The following ARSL variants were observed in gnomAD, a reference collection of about 807,000 sequenced individuals.
The protein encoded by ARSL is arylsulfatase L, also known as arylsulfatase E (chondrodysplasia punctata 1).
Under a neutral mutation model 31.1 loss-of-function variants are expected in ARSL, and 4 were observed. That is an observed-to-expected ratio of 0.13 (90% CI 0.06 to 0.29). The LOEUF is 0.29. Among genes scored for constraint, ARSL ranks in the 10% least tolerant of loss-of-function variants. The pLI is 1.00. For missense variants in ARSL, 312 were observed against 497.8 expected, an observed-to-expected ratio of 0.63 and a Z score of 3.55; for synonymous variants, 198 against 209.9, an observed-to-expected ratio of 0.94 and a Z score of 0.49.
chrX:2,964,815 AAAT>A (rs1414102445), upstream of ARSL, among the ~76,000 whole-genome samples: 1 of 111,649 alleles, frequency 9.0e-6, no homozygotes, highest in African/African-American at 3.3e-5. Flanking sequence ...CAAAAATAAA[AAAT>A]ATTAGGCTGG....
chrX:2,937,036 C>T (rs755229828), intron 9 of ARSL, among the ~76,000 whole-genome samples, 173 bp from the exon 10 acceptor site: 1 of 112,138 alleles, frequency 8.9e-6, no homozygotes, highest in South Asian at 3.7e-4. Flanking sequence ...TGCATTAGCA[C>T]GCTTAGAAGA....
At chrX:2,945,902 C>G in intron 7 of ARSL, 96 bp downstream of exon 7, 1 of 1,114,666 alleles carries the variant, frequency 9.0e-7, no homozygotes, top group Admixed American at 2.2e-5. Flanking sequence ...AATCGCTATT[C>G]TGCATCTTCT....
In ARSL at chrX:2,935,347, T is replaced by A. The variant is rs1362362994; in HGVS notation, c.1412-157A>T. Among the ~76,000 whole-genome samples the A allele has an allele frequency of 7.1e-5, 8 of 112,102 alleles. No homozygotes were observed. The South Asian group carries it at 2.2e-3, about 31-fold the overall frequency. Reference sequence around the variant, plus strand: ...ATGGTACATCTTACATGGCATACTCTGCAGCTATGAGAAGGAATGACACAA... The same window carrying A: ...ATGGTACATCTTACATGGCATACTCAGCAGCTATGAGAAGGAATGACACAA... On this transcript the variant is annotated intron_variant, in intron 10 of 10. Coordinates refer to ENST00000381134, the MANE Select transcript of ARSL (RefSeq NM_000047.3).
At position 2,955,597 on chromosome X, in the gene ARSL, T is replaced by C. The variant is rs148633489; in HGVS notation, c.186-60A>G. 484 of 1,160,951 alleles carry C rather than the reference T, an allele frequency of 4.2e-4. 5 individuals are homozygous for C. In the African/African-American group the frequency reaches 7.2e-3, roughly 17 times the overall value. On this transcript the variant is annotated intron_variant, in intron 3 of 10. Coordinates refer to ENST00000381134, the MANE Select transcript of ARSL (RefSeq NM_000047.3). ...AAATTAGACAGGCTTTTCATAAGCATAGCTACATGCTACTTCATAGAAGGT... is the reference window on the plus strand; with the variant it reads ...AAATTAGACAGGCTTTTCATAAGCACAGCTACATGCTACTTCATAGAAGGT...
upstream of ARSL, among the ~76,000 whole-genome samples, chrX:2,966,514 G>A (rs1310367091): frequency 2.8e-5 from 3 of 106,438 alleles, no homozygotes; most frequent in African/African-American, 3.4e-5. Flanking sequence ...GGTGGCTCAC[G>A]CCTATAATCC....
chrX:2,948,350 C>A (rs1387062393), intron 6 of ARSL, among the ~76,000 whole-genome samples: 1 of 111,240 alleles, frequency 9.0e-6, no homozygotes, highest in African/African-American at 3.3e-5. Flanking sequence ...TGCCAAAAGA[C>A]ATCTGACTTC....
chrX:2,946,633 C>T (rs1402061362), intron 6 of ARSL, among the ~76,000 whole-genome samples: 3 of 101,404 alleles, frequency 3.0e-5, no homozygotes, highest in African/African-American at 1.1e-4. Flanking sequence ...GTTGGGATTA[C>T]AGGCGTGAGC....
chrX:2,936,498 G>A (rs762684022), intron 10 of ARSL, among the ~76,000 whole-genome samples: 2 of 111,211 alleles, frequency 1.8e-5, no homozygotes, highest in African/African-American at 3.3e-5. Context: ...GAAACTATAG[G>A]TAACGACTCC....
At chrX:2,968,087 T>C (rs1450512707), upstream of ARSL, 1 of 1,139,597 alleles carries the variant, frequency 8.8e-7, no homozygotes, top group Non-Finnish European at 1.2e-6. Flanking sequence ...GAATATCCCC[T>C]GGAGCGTCTC....
At position 2,961,300 on chromosome X, in the gene ARSL, T is replaced by C. The variant is rs192751535; in HGVS notation, c.-20-880A>G. Among the ~76,000 whole-genome samples the C allele has an allele frequency of 6.9e-4, 76 of 110,404 alleles. 1 individual carries two copies. The highest frequency in any genetic ancestry group is 4.8e-3 in the Admixed American group (50 of 10,396). On this transcript the variant is annotated intron_variant, in intron 1 of 10. Transcript: ENST00000381134. ...AAGGAATGAGATGGAAGATAACAAT[T>C]AGAGTTGCAGGCAGCAAGAGGTCAC...
chrX:2,939,978 C>A lies in ARSL; in HGVS notation c.1127-1721G>T, dbSNP rs1327597656. 8.6e-5 allele frequency among the ~76,000 whole-genome samples: 9 copies of A among 104,369 alleles called. No individual in the cohort carries two copies. In the Admixed American group the frequency reaches 9.5e-4, roughly 11 times the overall value. 90.6% of individuals were successfully genotyped at this position (104,369 alleles called of 115,157 possible). On this transcript the variant is annotated intron_variant, in intron 8 of 10. Coordinates refer to ENST00000381134, the MANE Select transcript of ARSL (RefSeq NM_000047.3). The stretch of plus-strand genomic sequence containing the variant: ...CTTCACCTCCCAGGTTCAAGCAATT[C>A]TCCTGCCTCAGCCTCCTCAGCTGGG...
rs983795752 is a variant in ARSL, at chrX:2,950,750, A to G, written c.431-1023T>C. On this transcript the variant is annotated intron_variant, in intron 5 of 10. Coordinates refer to ENST00000381134, the MANE Select transcript of ARSL (RefSeq NM_000047.3). The stretch of plus-strand genomic sequence containing the variant: ...CTTTATAAATTACCCAGTCTTGGGT[A>G]TGTCTTTATTAGCAGCGTGAGAACA... Among the ~76,000 whole-genome samples the G allele has an allele frequency of 2.7e-5, 3 of 111,973 alleles. No individual in the cohort carries two copies. In the Admixed American group the frequency reaches 2.9e-4, roughly 11 times the overall value.
rs756709492 is a variant in ARSL, at chrX:2,957,582, G to T, written c.185+692C>A. Among the ~76,000 whole-genome samples, 5 of 108,776 alleles carry T rather than the reference G, an allele frequency of 4.6e-5. No homozygotes were observed. The South Asian group carries it at 1.2e-3, about 26-fold the overall frequency. The allele number at this position is 108,776 out of a possible 115,157, so 94.5% of individuals were successfully genotyped here. ...AAATTATCCAGGCATGGTGGCGGGC[G>T]CCTGTAATCCCAGCTACTCTGGAGA... On this transcript the variant is annotated intron_variant, in intron 3 of 10. Coordinates refer to ENST00000381134, the MANE Select transcript of ARSL (RefSeq NM_000047.3).
intron 8 of ARSL, among the ~76,000 whole-genome samples, chrX:2,940,529 A>G (rs1322589724): frequency 9.0e-6 from 1 of 111,191 alleles, no homozygotes; most frequent in Non-Finnish European, 1.9e-5. Context: ...AAAATTAAAT[A>G]ATAAACAAAT....
intron 8 of ARSL, 110 bp from the exon 9 acceptor site, chrX:2,938,367 T>C: frequency 1.6e-5 from 16 of 1,016,882 alleles, no homozygotes; most frequent in South Asian, 4.3e-5. Context: ...TCTCTCTCCC[T>C]GAGTCTCTCA....
At chrX:2,967,574 C>T (rs1039196719), upstream of ARSL, among the ~76,000 whole-genome samples, 1 of 111,539 alleles carries the variant, frequency 9.0e-6, no homozygotes, top group African/African-American at 3.3e-5. Flanking sequence ...CGGCAAGATC[C>T]TGTCTGAATT....
rs149483525 is a variant in ARSL, at chrX:2,964,306, G to A, written c.-103C>T. ...AAGGAAGCAAGCGTGAAGGCAGAGA[G>A]CACTTGCACAAGGCTTTGAGCTGGG... On this transcript the variant is annotated 5_prime_UTR_variant, in exon 1 of 11. Transcript: ENST00000381134. The A allele has an allele frequency of 6.4e-4, 481 of 752,192 alleles. 3 individuals are homozygous for A. The African/African-American group carries it at 9.9e-3, about 16-fold the overall frequency. 62.0% of individuals were successfully genotyped at this position (752,192 alleles called of 1,213,427 possible). A position where few individuals can be genotyped will look rare whatever the true frequency, so the allele number is the denominator to read the frequency against.
chrX:2,962,567 A>G (rs760166020), intron 1 of ARSL, among the ~76,000 whole-genome samples: 4 of 111,351 alleles, frequency 3.6e-5, no homozygotes, highest in Admixed American at 9.5e-5. Context: ...CAAGGTCCGC[A>G]GGGCTGCGAA....
At chrX:2,960,574 A>G in intron 1 of ARSL, 154 bp from the exon 2 acceptor site, 1 of 520,128 alleles carries the variant, frequency 1.9e-6, no homozygotes, top group Non-Finnish European at 3.1e-6. Flanking sequence ...TCTATAAAGG[A>G]ATGCTCTTCC....
Sources: gnomAD v4.1 joint callset for allele counts (sites outside exome capture counted in the v4.1 genomes callset) on GRCh38, gnomAD v4.1.1 for gene constraint, MANE v1.5 for transcripts, NCBI Gene and HGNC (gene_info 2026-07-23, HGNC 2026-07-21) for gene names.